SH3GL2: variants seen among roughly 807,000 people sequenced by gnomAD.
The protein encoded by SH3GL2 is SH3 domain containing GRB2 like 2, endophilin A1.
Under a neutral mutation model 46.0 loss-of-function variants are expected in SH3GL2, and 24 were observed. The observed-to-expected ratio is 0.52, with a 90% CI of 0.38 to 0.73. The LOEUF (loss-of-function observed/expected upper bound fraction) is 0.73. Among genes scored for constraint, SH3GL2 ranks in the 30% least tolerant of loss-of-function variants. The probability of loss-of-function intolerance (pLI) is 0.00; values close to 1 mark genes in which losing one functional copy is unlikely to be tolerated. For synonymous variants in SH3GL2, 196 were observed against 147.1 expected (o/e 1.33, Z -2.40); for missense variants, 413 against 424.2 (o/e 0.97, Z 0.23).
chr9:17,750,488 C>G (rs1822812198), intron 2 of SH3GL2, among the ~76,000 whole-genome samples: 1 of 152,128 alleles, frequency 6.6e-6, no homozygotes, highest in South Asian at 2.1e-4. Context: ...CCTCCTCTCC[C>G]TGAGCTGATT....
intron 1 of SH3GL2, among the ~76,000 whole-genome samples, chr9:17,607,128 A>G (rs1015638911): frequency 7.2e-5 from 11 of 152,212 alleles, no homozygotes; most frequent in African/African-American, 2.7e-4. Context: ...ACAATGGGAT[A>G]TATTCTGAGA....
At chr9:17,581,871 G>A (rs533631295) in intron 1 of SH3GL2, among the ~76,000 whole-genome samples, 1 of 152,078 alleles carries the variant, frequency 6.6e-6, no homozygotes, top group Non-Finnish European at 1.5e-5. Flanking sequence ...GCTAATTTTT[G>A]TATTTTTAGT....
intron 1 of SH3GL2, among the ~76,000 whole-genome samples, chr9:17,710,837 A>AG (rs1404520638): frequency 2.0e-5 from 3 of 151,952 alleles, no homozygotes. Context: ...CTTATCTGCA[A>AG]GGGGTATGTT....
At chr9:17,634,287 TTTC>T (rs1819496199) in intron 1 of SH3GL2, among the ~76,000 whole-genome samples, 1 of 152,212 alleles carries the variant, frequency 6.6e-6, no homozygotes, top group South Asian at 2.1e-4. Context: ...AGTTACATAT[TTTC>T]TTCTTGTTAC....
intron 4 of SH3GL2, among the ~76,000 whole-genome samples, chr9:17,787,017 T>G (rs545971746): frequency 6.6e-6 from 1 of 152,266 alleles, no homozygotes; most frequent in Admixed American, 6.5e-5. Flanking sequence ...TTTCACCCCC[T>G]TGTGATGTGG....
chr9:17,755,667 T>C (rs2131142944), intron 2 of SH3GL2: 2 of 351,222 alleles, frequency 5.7e-6, no homozygotes, highest in Non-Finnish European at 8.0e-6. Context: ...AAGGTGTCTA[T>C]GTTTTTCTTA....
At chr9:17,741,914 G>A (rs567036582) in intron 1 of SH3GL2, among the ~76,000 whole-genome samples, 12 of 152,288 alleles carry the variant, frequency 7.9e-5, no homozygotes, top group East Asian at 5.8e-4. Context: ...GATGGAGAAG[G>A]TGTCATCTGG....
chr9:17,752,004 G>T (rs189541410), intron 2 of SH3GL2, among the ~76,000 whole-genome samples: 1 of 151,434 alleles, frequency 6.6e-6, no homozygotes, highest in African/African-American at 2.4e-5. Context: ...ATTCATTAAA[G>T]GTAATGACCA....
chr9:17,761,553 T>G (rs1258735242), intron 3 of SH3GL2, 44 bp downstream of exon 3: 6 of 1,145,922 alleles, frequency 5.2e-6, no homozygotes, highest in Non-Finnish European at 8.0e-6. Flanking sequence ...TCGAGGTAAC[T>G]TTTAGTTTCT....
chr9:17,763,681 G>A (rs1210625950), intron 3 of SH3GL2, among the ~76,000 whole-genome samples: 1 of 152,140 alleles, frequency 6.6e-6, no homozygotes, highest in Non-Finnish European at 1.5e-5. Context: ...CCAGTTTGTG[G>A]TCATTTGAAA....
At chr9:17,737,570 C>T (rs556203344) in intron 1 of SH3GL2, among the ~76,000 whole-genome samples, 19 of 152,128 alleles carry the variant, frequency 1.2e-4, no homozygotes, top group African/African-American at 1.9e-4. Context: ...TTGTTTCAGC[C>T]GCACCCTACT....
At chr9:17,703,089 C>A (rs1357691264) in intron 1 of SH3GL2, among the ~76,000 whole-genome samples, 1 of 151,932 alleles carries the variant, frequency 6.6e-6, no homozygotes, top group African/African-American at 2.4e-5. Flanking sequence ...TTGTCAGGAC[C>A]CTCAAGCTCT....
intron 8 of SH3GL2, among the ~76,000 whole-genome samples, chr9:17,795,173 C>G (rs1237169424): frequency 1.3e-5 from 2 of 152,192 alleles, no homozygotes; most frequent in African/African-American, 4.8e-5. Flanking sequence ...TGTTATTAAC[C>G]TACATCATTA....
intron 1 of SH3GL2, among the ~76,000 whole-genome samples, chr9:17,739,260 T>C (rs886985266): frequency 1.3e-5 from 2 of 152,152 alleles, no homozygotes; most frequent in African/African-American, 2.4e-5. Context: ...AGACCACTTA[T>C]TAACCAGCTC....
intron 3 of SH3GL2, 28 bp downstream of exon 3, chr9:17,761,537 G>T (rs367782026): frequency 1.5e-6 from 2 of 1,315,900 alleles, no homozygotes; most frequent in African/African-American, 2.9e-5. Context: ...ATGTTTAAAG[G>T]ATCCCTCGAG....
chr9:17,731,437 A>AAG (rs915448320), intron 1 of SH3GL2, among the ~76,000 whole-genome samples: 23 of 149,140 alleles, frequency 1.5e-4, no homozygotes, highest in South Asian at 4.3e-4. Context: ...GAGAGAGAGA[A>AAG]AGAGAGAGAG....
intron 1 of SH3GL2, among the ~76,000 whole-genome samples, chr9:17,669,964 ATACAGGAATTTT>A (rs1336397147): frequency 2.6e-5 from 4 of 152,156 alleles, no homozygotes; most frequent in African/African-American, 9.7e-5. Context: ...CTGTAGTGAA[ATACAGGAATTTT>A]TACAGACAAG....
rs559736318 is a variant in SH3GL2 at position 17,691,413 on chromosome 9, A to G, written c.46-55653A>G. Among the ~76,000 whole-genome samples, 4 of 152,294 alleles carry G rather than the reference A, an allele frequency of 2.6e-5. No individual in the cohort carries two copies. In the South Asian group the frequency reaches 8.3e-4, roughly 32 times the overall value. On this transcript the variant is annotated intron_variant, in intron 1 of 8. Coordinates refer to ENST00000380607, the MANE Select transcript of SH3GL2 (RefSeq NM_003026.5). ...TTGGACAGATAATAGAAAATTAGAT[A>G]GTAATATATTGCTTAGAAAAACGTA...
intron 1 of SH3GL2, among the ~76,000 whole-genome samples, chr9:17,613,301 C>G (rs946226042): frequency 1.3e-5 from 2 of 152,176 alleles, no homozygotes; most frequent in African/African-American, 4.8e-5. Context: ...TGTTAATTTT[C>G]AACCACTTTC....
Sources: gnomAD v4.1 joint callset for allele counts (sites outside exome capture counted in the v4.1 genomes callset) on GRCh38, gnomAD v4.1.1 for gene constraint, MANE v1.5 for transcripts, NCBI Gene and HGNC (gene_info 2026-07-23, HGNC 2026-07-21) for gene names.